Variants in PRKCH observed in about 807,000 individuals in gnomAD.
The protein encoded by PRKCH is protein kinase C eta.
Under a neutral mutation model 82.5 loss-of-function variants are expected in PRKCH, and 28 were observed. That is an observed-to-expected ratio of 0.34 (90% confidence interval 0.25 to 0.47). The LOEUF (loss-of-function observed/expected upper bound fraction) is 0.47. Ranked by LOEUF, PRKCH falls within the 20% of genes least tolerant of loss-of-function variation. PRKCH has a pLI of 1.00. For missense variants in PRKCH, 705 were observed against 881.8 expected (o/e 0.80, Z 2.54); for synonymous variants, 322 against 327.4 (o/e 0.98, Z 0.18).
chr14:61,495,877 A>T (rs1050255359), intron 10 of PRKCH, among the ~76,000 whole-genome samples: 2 of 152,250 alleles, frequency 1.3e-5, no homozygotes, highest in Non-Finnish European at 2.9e-5. Flanking sequence ...GTATATGGAT[A>T]AAAAACTTGG....
chr14:61,289,649 G>A (rs1240123233), intron 1 of PRKCH, among the ~76,000 whole-genome samples: 1 of 152,256 alleles, frequency 6.6e-6, no homozygotes, highest in African/African-American at 2.4e-5. Flanking sequence ...GGAGGCTGCA[G>A]TGAGCTATGA....
intron 1 of PRKCH, among the ~76,000 whole-genome samples, chr14:61,224,050 A>C (rs1030690537): frequency 6.6e-6 from 1 of 152,184 alleles, no homozygotes; most frequent in Admixed American, 6.5e-5. Context: ...ATGTTTCATA[A>C]CTCAAAATGA....
intron 9 of PRKCH, among the ~76,000 whole-genome samples, chr14:61,483,658 C>T (rs1341845832): frequency 6.6e-6 from 1 of 152,114 alleles, no homozygotes; most frequent in Non-Finnish European, 1.5e-5. Flanking sequence ...GCAATGGGAG[C>T]TGAGCAGGAG....
At chr14:61,215,062 C>T (rs1448450054) in intron 1 of PRKCH, among the ~76,000 whole-genome samples, 1 of 152,118 alleles carries the variant, frequency 6.6e-6, no homozygotes. Flanking sequence ...CTTATTTTCC[C>T]TGGGCATTAT....
intron 12 of PRKCH, among the ~76,000 whole-genome samples, chr14:61,535,557 CA>C (rs2043097007): frequency 6.6e-6 from 1 of 151,968 alleles, no homozygotes; most frequent in South Asian, 2.1e-4. Flanking sequence ...GTGTGATGAG[CA>C]AAGGGGTGGG....
At chr14:61,498,350 T>C (rs1323017965) in intron 10 of PRKCH, among the ~76,000 whole-genome samples, 1 of 152,148 alleles carries the variant, frequency 6.6e-6, no homozygotes, top group East Asian at 1.9e-4. Flanking sequence ...TGTGATACTA[T>C]GTTTTTCAAC....
At chr14:61,272,318 A>ATTTC (rs1329780678) in intron 1 of PRKCH, among the ~76,000 whole-genome samples, 2 of 119,428 alleles carry the variant, frequency 1.7e-5, no homozygotes, top group African/African-American at 6.4e-5. Flanking sequence ...TTTTAAGTAG[A>ATTTC]TTTCTTTTTC....
At chr14:61,192,403 A>G (rs2044412268) in intron 1 of PRKCH, among the ~76,000 whole-genome samples, 1 of 152,220 alleles carries the variant, frequency 6.6e-6, no homozygotes, top group Non-Finnish European at 1.5e-5. Context: ...AAGTTATTGC[A>G]AGAATTAGAG....
intron 1 of PRKCH, among the ~76,000 whole-genome samples, chr14:61,210,778 C>G (rs148110975): frequency 0.016 from 1,833 of 118,154 alleles, 41 homozygotes; most frequent in East Asian, 0.11. Context: ...CTCTCTCTCT[C>G]TCTCTCTCTC....
chr14:61,428,076 T>TAGATAGATAGATAC (rs377250538), intron 2 of PRKCH, among the ~76,000 whole-genome samples: 6,470 of 125,800 alleles, frequency 0.051, 192 homozygotes, highest in East Asian at 0.1. Flanking sequence ...GATAGATAGA[T>TAGATAGATAGATAC]ACACACACAC....
In PRKCH at chr14:61,201,589, AAG is replaced by A. The variant is rs374949886; in HGVS notation, c.-19+13926_-19+13927del. 5.0e-3 allele frequency among the ~76,000 whole-genome samples: 762 copies of A among 152,318 alleles called. 15 individuals carry two copies. Among genetic ancestry groups the A allele is most frequent in the African/African-American group, 0.017 (705 of 41,572 alleles). ...AAAATAGTAATATAAAGTTAGGGGA[AAG>A]AGAGGGGAACAAAAGGAAAAGAACA... On this transcript the variant is annotated intron_variant, in intron 1 of 3. Transcript: ENST00000555185.
At chr14:61,192,078 T>G (rs1408182479) in intron 1 of PRKCH, among the ~76,000 whole-genome samples, 1 of 151,960 alleles carries the variant, frequency 6.6e-6, no homozygotes, top group Admixed American at 6.6e-5. Flanking sequence ...CTCAGAACCC[T>G]AAGTAGGCAA....
chr14:61,321,911 G>GGT lies in PRKCH; in HGVS notation c.-190_-189insTG. 2 of 562,340 alleles carry GGT rather than the reference G, an allele frequency of 3.6e-6. No individual in the cohort carries two copies. The highest frequency in any genetic ancestry group is 6.1e-6 in the Non-Finnish European group (2 of 326,080). The allele number at this position is 562,340 out of a possible 1,614,324, so 34.8% of individuals were successfully genotyped here. ...GGCTCCCCTCCTTTCCACCTCGGGA[G>GGT]GGAGGGAAGGAGGGGAGGGAAAAGT... On this transcript the variant is annotated 5_prime_UTR_variant, in exon 1 of 14. Transcript: ENST00000332981. The surrounding 1 kb of genome is among the most constrained non-coding windows in gnomAD (Gnocchi z 4.1).
At chr14:61,346,393 C>A (rs368514276) in intron 1 of PRKCH, among the ~76,000 whole-genome samples, 26 of 152,332 alleles carry the variant, frequency 1.7e-4, no homozygotes, top group African/African-American at 6.3e-4. Context: ...CACAAGCATG[C>A]TGCATCATGT....
chr14:61,456,522 G>A (rs1018925691), intron 7 of PRKCH, among the ~76,000 whole-genome samples: 16 of 152,148 alleles, frequency 1.1e-4, no homozygotes, highest in African/African-American at 3.6e-4. Flanking sequence ...GAATACAAAT[G>A]TATGTTATGA....
At chr14:61,375,647 C>A (rs2046419497) in intron 1 of PRKCH, among the ~76,000 whole-genome samples, 1 of 151,826 alleles carries the variant, frequency 6.6e-6, no homozygotes, top group Non-Finnish European at 1.5e-5. Context: ...TTTCAAACAA[C>A]CAGATCTCGT....
chr14:61,439,619 A>G (rs906781322), intron 2 of PRKCH, among the ~76,000 whole-genome samples: 2 of 147,002 alleles, frequency 1.4e-5, no homozygotes, highest in African/African-American at 5.4e-5. Context: ...TGCTGTGGGA[A>G]CAGTGGGTTA....
At chr14:61,499,985 C>CTA (rs1212775832) in intron 10 of PRKCH, among the ~76,000 whole-genome samples, 1 of 151,312 alleles carries the variant, frequency 6.6e-6, no homozygotes, top group African/African-American at 2.4e-5. Context: ...AAAGGAAATA[C>CTA]TATTAGCCTG....
intron 9 of PRKCH, 114 bp downstream of exon 9, chr14:61,457,793 C>T (rs1884847829): frequency 4.2e-6 from 6 of 1,416,218 alleles, no homozygotes; most frequent in Non-Finnish European, 5.8e-6. Context: ...GGATGGGCTC[C>T]CAAGGCAGGG....
Sources: allele counts gnomAD v4.1 joint callset (sites outside exome capture counted in the v4.1 genomes callset), GRCh38; gene constraint gnomAD v4.1.1; non-coding constraint Gnocchi (gnomAD v3.1); transcripts MANE v1.5; gene names NCBI Gene and HGNC (gene_info 2026-07-23, HGNC 2026-07-21).